NCOR1: variants seen among roughly 807,000 people sequenced by gnomAD.
NCOR1 encodes protein phosphatase 1, regulatory subunit 109.
NCOR1 carries 63 observed loss-of-function variants against 288.1 expected under a neutral mutation model. That is an observed-to-expected ratio of 0.22 (90% CI 0.18 to 0.27). The LOEUF (loss-of-function observed/expected upper bound fraction) is 0.27, where lower values mean the gene tolerates loss of function less well. Ranked by LOEUF, NCOR1 falls within the 10% of genes least tolerant of loss-of-function variation. The pLI, the probability that NCOR1 is intolerant of heterozygous loss-of-function variation, is 1.00. For missense variants in NCOR1, 2,397 were observed against 3,019.2 expected (o/e 0.79, Z 4.83); for synonymous variants, 1,007 against 1,065.9 (o/e 0.94, Z 1.08).
At chr17:16,170,840 CAAAAAAAA>C (rs556473992) in intron 4 of NCOR1, among the ~76,000 whole-genome samples, 1 of 73,992 alleles carries the variant, frequency 1.4e-5, no homozygotes, top group South Asian at 4.3e-4. Context: ...GACTCCATCT[CAAAAAAAA>C]AAAAAAAGAA....
intron 21 of NCOR1, 97 bp downstream of exon 21, chr17:16,098,269 AT>A (rs2066998783): frequency 4.1e-6 from 5 of 1,227,490 alleles, no homozygotes; most frequent in South Asian, 2.7e-5. Flanking sequence ...TTGTACCACT[AT>A]TTTTTTAATC....
intron 9 of NCOR1, among the ~76,000 whole-genome samples, chr17:16,148,170 C>G (rs2078285216): frequency 6.6e-6 from 1 of 152,206 alleles, no homozygotes; most frequent in African/African-American, 2.4e-5. Context: ...ACCTCCAGGA[C>G]AGTATACAAC....
rs190979168 is a variant in NCOR1 at position 16,139,783 on chromosome 17, A to T, written c.1174-597T>A. ...AACTAAAACTTTGTTACACGTGCAG[A>T]ACTTATTTTTCCCAAAGTTTAACTG... On this transcript the variant is annotated intron_variant, in intron 11 of 45. Coordinates refer to ENST00000268712, the MANE Select transcript of NCOR1 (RefSeq NM_006311.4). Among the ~76,000 whole-genome samples the T allele has an allele frequency of 3.9e-4, 60 of 152,328 alleles. No homozygotes were observed. In the East Asian group the frequency reaches 0.012, roughly 29 times the overall value.
At chr17:16,072,251 C>G (rs562350084) in intron 28 of NCOR1, 23 bp from the exon 29 acceptor site, 17 of 1,565,510 alleles carry the variant, frequency 1.1e-5, no homozygotes, top group Non-Finnish European at 1.5e-5. Flanking sequence ...GAAAGCAATT[C>G]AATTATTCAA....
intron 30 of NCOR1, among the ~76,000 whole-genome samples, chr17:16,071,170 C>T (rs562923105): frequency 1.5e-4 from 23 of 150,934 alleles, no homozygotes; most frequent in African/African-American, 4.9e-4. Context: ...CCTAGCTACT[C>T]GGGAGGCTGA....
chr17:16,177,569 G>C (rs1200235011), intron 3 of NCOR1, among the ~76,000 whole-genome samples: 4 of 152,070 alleles, frequency 2.6e-5, no homozygotes, highest in Non-Finnish European at 5.9e-5. Context: ...AATAGGTATG[G>C]CTTTCTAAAT....
At chr17:16,073,613 T>C in intron 27 of NCOR1, 44 bp from the exon 28 acceptor site, 2 of 1,513,470 alleles carry the variant, frequency 1.3e-6, no homozygotes, top group Non-Finnish European at 1.8e-6. Flanking sequence ...GAGCACATGG[T>C]ATACAATGTA....
At chr17:16,158,642 T>C (rs1156705688) in intron 6 of NCOR1, 118 bp downstream of exon 6, 3 of 562,900 alleles carry the variant, frequency 5.3e-6, no homozygotes, top group Non-Finnish European at 9.0e-6. Flanking sequence ...ACATTCAAAA[T>C]TGTAAGAGAA....
chr17:16,114,852 C>A (rs1045702573), intron 18 of NCOR1, among the ~76,000 whole-genome samples: 3 of 152,162 alleles, frequency 2.0e-5, no homozygotes, highest in South Asian at 2.1e-4. Flanking sequence ...GCACACAGTG[C>A]AAACTGTAGG....
At chr17:16,112,725 G>A (rs35160872) in intron 18 of NCOR1, among the ~76,000 whole-genome samples, 67,008 of 151,916 alleles carry the variant, frequency 0.44, 16,021 homozygotes, top group Middle Eastern at 0.58. Context: ...TCTTGAACTC[G>A]TGATCTGCCC....
At chr17:16,161,890 G>A (rs1257954451) in intron 5 of NCOR1, among the ~76,000 whole-genome samples, 1 of 151,802 alleles carries the variant, frequency 6.6e-6, no homozygotes, top group African/African-American at 2.4e-5. Context: ...CAGATATTAT[G>A]CAATATATTC....
intron 11 of NCOR1, among the ~76,000 whole-genome samples, chr17:16,140,862 G>A (rs570378570): frequency 6.6e-6 from 1 of 152,002 alleles, no homozygotes; most frequent in Non-Finnish European, 1.5e-5. Context: ...GCGTAGTGGT[G>A]TACCAGTAGT....
chr17:16,079,208 T>C (rs1247408855), intron 26 of NCOR1, among the ~76,000 whole-genome samples: 2 of 152,202 alleles, frequency 1.3e-5, no homozygotes, highest in African/African-American at 4.8e-5. Context: ...TGAAAATTTA[T>C]ATGTGTAGCA....
At chr17:16,154,938 G>A (rs2079483758) in intron 6 of NCOR1, among the ~76,000 whole-genome samples, 1 of 152,170 alleles carries the variant, frequency 6.6e-6, no homozygotes, top group Non-Finnish European at 1.5e-5. Flanking sequence ...CAAAGAGAGA[G>A]AACTGGATAA....
Position 16,126,334 on chromosome 17 carries a change from C to G in NCOR1, c.1510-128G>C. 5.2e-6 allele frequency: 5 copies of G among 969,876 alleles called. No homozygotes were observed. The South Asian group carries it at 1.0e-4, about 19-fold the overall frequency. 60.1% of individuals were successfully genotyped at this position (969,876 alleles called of 1,614,324 possible). A position where few individuals can be genotyped will look rare whatever the true frequency, so the allele number is the denominator to read the frequency against. On this transcript the variant is annotated intron_variant, in intron 14 of 45. Transcript: ENST00000268712. ...AGTCATTTACAATGTAACTGGTGAT[C>G]GTGTGTTAAAAACCAGTCTAGAGGT...
At chr17:16,052,016 T>C (rs2059378103) in intron 40 of NCOR1, among the ~76,000 whole-genome samples, 1 of 152,150 alleles carries the variant, frequency 6.6e-6, no homozygotes, top group African/African-American at 2.4e-5. Flanking sequence ...ATCTGGTTTT[T>C]GTTTTGTTTT....
At chr17:16,142,971 A>C (rs986163600) in intron 11 of NCOR1, among the ~76,000 whole-genome samples, 1 of 152,176 alleles carries the variant, frequency 6.6e-6, no homozygotes, top group Non-Finnish European at 1.5e-5. Flanking sequence ...TTGTTCATAG[A>C]TGAATCTCCT....
At chr17:16,067,507 A>G (rs779169109) in intron 32 of NCOR1, among the ~76,000 whole-genome samples, 42 of 152,238 alleles carry the variant, frequency 2.8e-4, no homozygotes, top group Non-Finnish European at 3.2e-4. Flanking sequence ...AGACTTAATC[A>G]CTTGTTTATG....
At chr17:16,092,594 T>C (rs1313426775) in intron 21 of NCOR1, among the ~76,000 whole-genome samples, 1 of 140,076 alleles carries the variant, frequency 7.1e-6, no homozygotes, top group Non-Finnish European at 1.5e-5. Flanking sequence ...GCCAAGTCCC[T>C]TGTGGCCCTA....
Sources: gnomAD v4.1 joint callset for allele counts (sites outside exome capture counted in the v4.1 genomes callset) on GRCh38, gnomAD v4.1.1 for gene constraint, MANE v1.5 for transcripts, NCBI Gene and HGNC (gene_info 2026-07-23, HGNC 2026-07-21) for gene names.